CSGALNACT1: variants seen among roughly 807,000 people sequenced by gnomAD.
CSGALNACT1 encodes beta4GalNAcT-1.
A neutral mutation model predicts 51.0 loss-of-function variants in CSGALNACT1; 52 were observed. The ratio of observed to expected loss-of-function variants is 1.02; its 90% CI spans 0.82 to 1.29. The LOEUF (loss-of-function observed/expected upper bound fraction) is 1.29. Ranked by LOEUF, CSGALNACT1 falls within the 50% of genes most tolerant of loss-of-function variation. The pLI is 0.00. For missense variants in CSGALNACT1, 935 were observed against 679.2 expected (o/e 1.38, Z -4.19); for synonymous variants, 341 against 254.4 (o/e 1.34, Z -3.24).
intron 1 of CSGALNACT1, chr8:19,678,806 G>A (rs913019778): frequency 6.6e-6 from 1 of 152,144 alleles, no homozygotes; most frequent in South Asian, 2.1e-4. Context: ...GAGGGAGGAG[G>A]CATCCAAAAG....
At chr8:19,421,960 A>G (rs1032807152) in intron 6 of CSGALNACT1, among the ~76,000 whole-genome samples, 2 of 152,176 alleles carry the variant, frequency 1.3e-5, no homozygotes, top group African/African-American at 2.4e-5. Flanking sequence ...CTGGGGCCCC[A>G]TAAGTGTTCA....
chr8:19,442,219 A>G (rs377099245), intron 5 of CSGALNACT1, among the ~76,000 whole-genome samples: 46 of 152,150 alleles, frequency 3.0e-4, no homozygotes, highest in East Asian at 9.6e-4. Flanking sequence ...CCATTACTGG[A>G]TATATACCCA....
chr8:19,456,258 A>G (rs1373543609), intron 5 of CSGALNACT1, among the ~76,000 whole-genome samples: 1 of 152,214 alleles, frequency 6.6e-6, no homozygotes, highest in African/African-American at 2.4e-5. Flanking sequence ...CAGGCCCAGG[A>G]GTCCTACAGT....
At chr8:19,682,367 C>A (rs1248281868) in intron 1 of CSGALNACT1, 1 of 321,812 alleles carries the variant, frequency 3.1e-6, no homozygotes, top group Non-Finnish European at 6.2e-6. Context: ...TACCTCCCTT[C>A]CTAGGGCTCT....
intron 8 of CSGALNACT1, among the ~76,000 whole-genome samples, chr8:19,412,555 C>T (rs896723036): frequency 6.6e-6 from 1 of 152,208 alleles, no homozygotes. Context: ...ATCAGAGTCT[C>T]TCCTCAGCAC....
At chr8:19,515,884 C>T (rs768115140) in intron 3 of CSGALNACT1, among the ~76,000 whole-genome samples, 1 of 152,108 alleles carries the variant, frequency 6.6e-6, no homozygotes, top group Non-Finnish European at 1.5e-5. Flanking sequence ...TGGTCATGGA[C>T]CCCAGAAGGT....
intron 1 of CSGALNACT1, among the ~76,000 whole-genome samples, chr8:19,720,438 T>C (rs1214501138): frequency 2.0e-5 from 3 of 152,046 alleles, no homozygotes; most frequent in African/African-American, 7.2e-5. Context: ...GAGGGAGAAA[T>C]GGCTTCTAGC....
chr8:19,525,615 C>CAAAAAAAAAAAAAAAAAAA (rs34787475), intron 3 of CSGALNACT1, among the ~76,000 whole-genome samples: 1 of 20,362 alleles, frequency 4.9e-5, no homozygotes, highest in African/African-American at 1.6e-4. Context: ...AAACTTGTCC[C>CAAAAAAAAAAAAAAAAAAA]AAAAAAAAAA....
At chr8:19,707,499 A>G (rs2062238695) in intron 1 of CSGALNACT1, among the ~76,000 whole-genome samples, 1 of 152,212 alleles carries the variant, frequency 6.6e-6, no homozygotes, top group Non-Finnish European at 1.5e-5. Flanking sequence ...GAAATCCTCT[A>G]CAATTTATCA....
At chr8:19,610,212 C>T (rs1278041666) in intron 1 of CSGALNACT1, among the ~76,000 whole-genome samples, 2 of 147,614 alleles carry the variant, frequency 1.4e-5, no homozygotes, top group East Asian at 2.0e-4. Context: ...ATTGCTTGAA[C>T]CAAGGAGGCG....
chr8:19,736,613 C>T (rs1357932492), intron 1 of CSGALNACT1, among the ~76,000 whole-genome samples: 2 of 151,804 alleles, frequency 1.3e-5, no homozygotes, highest in East Asian at 3.9e-4. Context: ...TATGTCTGTA[C>T]GTTGACATTA....
At chr8:19,667,012 A>AAGGAAGG (rs2059378990) in intron 1 of CSGALNACT1, among the ~76,000 whole-genome samples, 5 of 34,396 alleles carry the variant, frequency 1.5e-4, no homozygotes, top group East Asian at 1.2e-3. Flanking sequence ...AGAAAGAAAG[A>AAGGAAGG]AAGAAAGGAA....
chr8:19,672,478 A>G (rs2059869904), intron 1 of CSGALNACT1, among the ~76,000 whole-genome samples: 1 of 152,196 alleles, frequency 6.6e-6, no homozygotes, highest in Non-Finnish European at 1.5e-5. Flanking sequence ...TCGCTTTAAC[A>G]AGACTGCAAA....
intron 1 of CSGALNACT1, among the ~76,000 whole-genome samples, chr8:19,652,206 C>G (rs1199847007): frequency 1.3e-5 from 2 of 152,152 alleles, no homozygotes; most frequent in Non-Finnish European, 2.9e-5. Context: ...CTGCCTAGGC[C>G]TCCCAAAGTA....
rs183306935 is a variant in CSGALNACT1 at position 19,597,272 on chromosome 8, C to T, written c.-416+4499G>A. On this transcript the variant is annotated intron_variant, in intron 2 of 9. Coordinates refer to ENST00000454498, the Ensembl canonical transcript of CSGALNACT1. ...TTAATGGATATTGGGTTGGGGCTGC[C>T]TCTATCTTCTTTCTTTTTTTTTTTT... 7.9e-3 allele frequency among the ~76,000 whole-genome samples: 1,122 copies of T among 142,560 alleles called. 16 individuals carry two copies. The highest frequency in any genetic ancestry group is 0.029 in the African/African-American group (1,056 of 36,650). The allele number at this position is 142,560 out of a possible 152,430, so 93.5% of individuals were successfully genotyped here.
At chr8:19,451,264 G>C (rs1223389070) in intron 5 of CSGALNACT1, among the ~76,000 whole-genome samples, 1 of 152,050 alleles carries the variant, frequency 6.6e-6, no homozygotes, top group African/African-American at 2.4e-5. Flanking sequence ...CTCCTTGCCT[G>C]TTGGGATGTC....
chr8:19,666,821 GAGAGAGAGAGAGAAAGAAAGAA>G lies in CSGALNACT1; in HGVS notation c.-544+15630_-544+15651del, dbSNP rs1465740653. 2.1e-3 allele frequency among the ~76,000 whole-genome samples: 141 copies of G among 66,328 alleles called. 3 individuals carry two copies. Among genetic ancestry groups the G allele is most frequent in the East Asian group, 4.3e-3 (12 of 2,772 alleles). The allele number at this position is 66,328 out of a possible 152,430, so 43.5% of individuals were successfully genotyped here. ...AAAGAAAGAAAGAAAGAGAGAGAGA[GAGAGAGAGAGAGAAAGAAAGAA>G]AGAAAGAAAGAAAGAAAGAAAGAAA... On this transcript the variant is annotated intron_variant, in intron 1 of 9. Transcript: ENST00000332246.
chr8:19,526,047 G>A (rs955602304), intron 3 of CSGALNACT1, among the ~76,000 whole-genome samples: 7 of 152,074 alleles, frequency 4.6e-5, no homozygotes, highest in Admixed American at 1.3e-4. Context: ...CTATAAATCC[G>A]TAATTATTTT....
intron 1 of CSGALNACT1, among the ~76,000 whole-genome samples, chr8:19,719,020 T>C (rs890531148): frequency 6.6e-6 from 1 of 152,172 alleles, no homozygotes; most frequent in African/African-American, 2.4e-5. Context: ...CACTGCGAAC[T>C]GTGTAACAGA....
Sources: gnomAD v4.1 joint callset for allele counts (sites outside exome capture counted in the v4.1 genomes callset) on GRCh38, gnomAD v4.1.1 for gene constraint, MANE v1.5 for transcripts, NCBI Gene and HGNC (gene_info 2026-07-23, HGNC 2026-07-21) for gene names.